The following ADGRL2 variants were observed in gnomAD, a reference collection of about 807,000 sequenced individuals.
The protein encoded by ADGRL2 is adhesion G protein-coupled receptor L2.
ADGRL2 carries 44 observed loss-of-function variants against 157.4 expected under a neutral mutation model. The observed-to-expected ratio is 0.28, with a 90% CI of 0.22 to 0.36. ADGRL2 has a LOEUF of 0.36. ADGRL2 is among the 10% of genes least tolerant of loss of function. The probability of loss-of-function intolerance (pLI) is 1.00; values close to 1 mark genes in which losing one functional copy is unlikely to be tolerated. For missense variants in ADGRL2, 1,510 were observed against 1,768.9 expected (o/e 0.85, Z 2.63); for synonymous variants, 585 against 624.7 (o/e 0.94, Z 0.95).
chr1:81,586,436 C>T (rs1248647661), intron 3 of ADGRL2: 1 of 151,990 alleles, frequency 6.6e-6, no homozygotes, highest in East Asian at 1.9e-4. Flanking sequence ...TGATTTATGC[C>T]ACATTAACCA....
intron 2 of ADGRL2, among the ~76,000 whole-genome samples, chr1:81,458,404 T>TG (rs879271001): frequency 3.3e-5 from 5 of 152,202 alleles, no homozygotes; most frequent in Admixed American, 3.3e-4. Flanking sequence ...GTTTGGTGAG[T>TG]GAGAGGGAAT....
chr1:81,334,701 A>T (rs1055367177), intron 1 of ADGRL2, among the ~76,000 whole-genome samples: 5 of 152,236 alleles, frequency 3.3e-5, no homozygotes, highest in Non-Finnish European at 5.9e-5. Context: ...TTCCTTGTGT[A>T]TGACCTATTA....
At chr1:81,950,120 C>A (rs1651270049) in intron 6 of ADGRL2, 69 bp from the exon 7 acceptor site, 2 of 1,253,464 alleles carry the variant, frequency 1.6e-6, no homozygotes, top group African/African-American at 1.5e-5. Flanking sequence ...GCACACATTC[C>A]ATGTGTGCAT....
At chr1:81,599,508 A>T (rs530233016) in intron 3 of ADGRL2, among the ~76,000 whole-genome samples, 1 of 152,244 alleles carries the variant, frequency 6.6e-6, no homozygotes, top group Admixed American at 6.5e-5. Context: ...GAGTGTGTAG[A>T]TGTTGTCTGA....
intron 2 of ADGRL2, among the ~76,000 whole-genome samples, chr1:81,554,180 A>G (rs756577505): frequency 2.6e-5 from 4 of 152,232 alleles, no homozygotes; most frequent in Non-Finnish European, 4.4e-5. Context: ...GTTGTTTGTC[A>G]TAATGATTGG....
chr1:81,608,978 T>C (rs1242216096), intron 3 of ADGRL2, among the ~76,000 whole-genome samples: 1 of 152,040 alleles, frequency 6.6e-6, no homozygotes, highest in Non-Finnish European at 1.5e-5. Context: ...GAGGTTTACA[T>C]TGAGAAAGAG....
At chr1:81,401,521 T>G (rs1042966546) in intron 1 of ADGRL2, among the ~76,000 whole-genome samples, 1 of 152,336 alleles carries the variant, frequency 6.6e-6, no homozygotes, top group South Asian at 2.1e-4. Context: ...GCTTCTTTCA[T>G]GTATGCCAGC....
chr1:81,545,392 T>C (rs186720181), intron 2 of ADGRL2, among the ~76,000 whole-genome samples: 37 of 152,074 alleles, frequency 2.4e-4, no homozygotes, highest in Non-Finnish European at 1.2e-4. Flanking sequence ...GTTCAAGTGA[T>C]TCTCCTGCCT....
intron 3 of ADGRL2, among the ~76,000 whole-genome samples, chr1:81,659,148 C>G (rs923432312): frequency 6.6e-6 from 1 of 150,484 alleles, no homozygotes; most frequent in Non-Finnish European, 1.5e-5. Flanking sequence ...TGCAACCTCC[C>G]CCTCCTGGGT....
intron 1 of ADGRL2, among the ~76,000 whole-genome samples, chr1:81,719,096 T>A (rs916367790): frequency 1.3e-5 from 2 of 152,246 alleles, no homozygotes; most frequent in South Asian, 4.1e-4. Context: ...TCCCCTGGGT[T>A]AGTCAGAGAT....
chr1:81,539,440 T>A (rs1042317559), intron 2 of ADGRL2, among the ~76,000 whole-genome samples: 3 of 152,166 alleles, frequency 2.0e-5, no homozygotes, highest in Admixed American at 6.5e-5. Flanking sequence ...ATCAAACATT[T>A]CACAACGTTC....
intron 1 of ADGRL2, among the ~76,000 whole-genome samples, chr1:81,311,055 G>A (rs1268197988): frequency 6.6e-6 from 1 of 152,004 alleles, no homozygotes; most frequent in Non-Finnish European, 1.5e-5. Flanking sequence ...AAAACCAAGG[G>A]ATTTTTCTCA....
At chr1:81,812,213 G>A (rs2089945630) in intron 1 of ADGRL2, among the ~76,000 whole-genome samples, 1 of 151,774 alleles carries the variant, frequency 6.6e-6, no homozygotes, top group South Asian at 2.1e-4. Flanking sequence ...GTTATTACCT[G>A]CAGAGGGAGC....
At chr1:81,430,407 A>T (rs537972495) in intron 1 of ADGRL2, among the ~76,000 whole-genome samples, 1 of 152,180 alleles carries the variant, frequency 6.6e-6, no homozygotes, top group Non-Finnish European at 1.5e-5. Flanking sequence ...TTGAGTGGAG[A>T]GCTCTGTCAA....
At chr1:81,700,480 T>G (rs910725222) in intron 1 of ADGRL2, among the ~76,000 whole-genome samples, 3 of 152,218 alleles carry the variant, frequency 2.0e-5, no homozygotes, top group African/African-American at 7.2e-5. Flanking sequence ...TAAAACATCA[T>G]TTGTTAAAGC....
chr1:81,879,562 G>T (rs919607691), intron 2 of ADGRL2, among the ~76,000 whole-genome samples: 5 of 149,780 alleles, frequency 3.3e-5, no homozygotes, highest in African/African-American at 1.2e-4. Flanking sequence ...AGTGAGCCAG[G>T]TAGATTTATA....
At chr1:81,334,149 A>T (rs1661465718) in intron 1 of ADGRL2, among the ~76,000 whole-genome samples, 1 of 152,232 alleles carries the variant, frequency 6.6e-6, no homozygotes, top group African/African-American at 2.4e-5. Flanking sequence ...ATAATGGTTA[A>T]TAGCACAAGC....
At chr1:81,848,579 T>C (rs1571647190) in intron 2 of ADGRL2, among the ~76,000 whole-genome samples, 1 of 152,068 alleles carries the variant, frequency 6.6e-6, no homozygotes, top group South Asian at 2.1e-4. Flanking sequence ...TACTTAATGG[T>C]AATTATCAAA....
chr1:81,311,359 G>A (rs1315150657), intron 1 of ADGRL2, among the ~76,000 whole-genome samples: 1 of 152,046 alleles, frequency 6.6e-6, no homozygotes, highest in Non-Finnish European at 1.5e-5. Context: ...TATTCTCAAT[G>A]CCTGCAGTTT....
Sources: gnomAD v4.1 joint callset for allele counts (sites outside exome capture counted in the v4.1 genomes callset) on GRCh38, gnomAD v4.1.1 for gene constraint, MANE v1.5 for transcripts, NCBI Gene and HGNC (gene_info 2026-07-23, HGNC 2026-07-21) for gene names.